The following TMEM132C variants were observed in gnomAD, a reference collection of about 807,000 sequenced individuals.
The protein encoded by TMEM132C is transmembrane protein 132C, also known as protein phosphatase 1, regulatory subunit 152.
TMEM132C carries 29 observed loss-of-function variants against 61.4 expected under a neutral mutation model. The observed-to-expected ratio is 0.47, with a 90% CI of 0.35 to 0.64. The LOEUF is 0.64. Among genes scored for constraint, TMEM132C ranks in the 30% least tolerant of loss-of-function variants. The pLI, the probability that TMEM132C is intolerant of heterozygous loss-of-function variation, is 0.00. For missense variants in TMEM132C, 1,408 were observed against 1,476.9 expected, an observed-to-expected ratio of 0.95 and a Z score of 0.76; for synonymous variants, 656 against 633.1, an observed-to-expected ratio of 1.04 and a Z score of -0.54.
intron 5 of TMEM132C, among the ~76,000 whole-genome samples, chr12:128,682,528 T>A (rs1041579294): frequency 1.2e-4 from 19 of 152,198 alleles, no homozygotes; most frequent in Non-Finnish European, 2.9e-5. Context: ...TAGGAAGGCG[T>A]TGGTCCTGCA....
chr12:128,565,386 T>A (rs998880327), intron 3 of TMEM132C, among the ~76,000 whole-genome samples: 5 of 152,256 alleles, frequency 3.3e-5, no homozygotes, highest in Admixed American at 6.5e-5. Context: ...AACTTTGAGA[T>A]GATAAATGTG....
At chr12:128,430,692 T>C (rs1869354164) in intron 2 of TMEM132C, among the ~76,000 whole-genome samples, 1 of 152,226 alleles carries the variant, frequency 6.6e-6, no homozygotes, top group African/African-American at 2.4e-5. Flanking sequence ...ATTTTGACAA[T>C]TCTTGGAATA....
chr12:128,359,065 G>C (rs1321881199), intron 1 of TMEM132C, among the ~76,000 whole-genome samples: 1 of 152,188 alleles, frequency 6.6e-6, no homozygotes, highest in African/African-American at 2.4e-5. Flanking sequence ...AGAAAATGGT[G>C]GTTCTGAGCA....
chr12:128,509,456 G>A (rs1220758497), intron 2 of TMEM132C, among the ~76,000 whole-genome samples: 1 of 152,204 alleles, frequency 6.6e-6, no homozygotes, highest in Non-Finnish European at 1.5e-5. Context: ...TTCTTAGTGT[G>A]CTCAGTAAAT....
At chr12:128,599,644 C>T (rs947580882) in intron 3 of TMEM132C, among the ~76,000 whole-genome samples, 36 of 152,154 alleles carry the variant, frequency 2.4e-4, no homozygotes, top group African/African-American at 8.7e-4. Flanking sequence ...GCTGAATCTG[C>T]AAAGGAGAAA....
intron 1 of TMEM132C, among the ~76,000 whole-genome samples, chr12:128,313,316 C>T (rs755473151): frequency 6.6e-6 from 1 of 152,352 alleles, no homozygotes; most frequent in Middle Eastern, 3.4e-3. Context: ...AGCTAAGTCA[C>T]TCGTCTGAGG....
chr12:128,513,020 C>T (rs1565958568), intron 2 of TMEM132C, among the ~76,000 whole-genome samples: 1 of 152,128 alleles, frequency 6.6e-6, no homozygotes, highest in African/African-American at 2.4e-5. Context: ...AAGCACGTGA[C>T]ACTGTTTGGA....
At chr12:128,604,598 T>C (rs903284896) in intron 3 of TMEM132C, among the ~76,000 whole-genome samples, 1 of 151,318 alleles carries the variant, frequency 6.6e-6, no homozygotes, top group Non-Finnish European at 1.5e-5. Flanking sequence ...CATAGAGGGA[T>C]AGATGGCTAG....
At chr12:128,482,675 T>G (rs1187616709) in intron 2 of TMEM132C, among the ~76,000 whole-genome samples, 1 of 152,168 alleles carries the variant, frequency 6.6e-6, no homozygotes, top group Non-Finnish European at 1.5e-5. Context: ...ATTCAGGGAT[T>G]CGACTTCTTC....
chr12:128,597,070 A>G (rs1875991991), intron 3 of TMEM132C, among the ~76,000 whole-genome samples: 1 of 152,034 alleles, frequency 6.6e-6, no homozygotes, highest in Admixed American at 6.5e-5. Flanking sequence ...CTTTTCCTCA[A>G]TTTACTTTTG....
At chr12:128,591,616 AT>A (rs1377917898) in intron 3 of TMEM132C, among the ~76,000 whole-genome samples, 1 of 152,100 alleles carries the variant, frequency 6.6e-6, no homozygotes, top group Admixed American at 6.6e-5. Flanking sequence ...TAGGAGTAGA[AT>A]TTCTGGATCA....
In TMEM132C at chr12:128,465,324, G is replaced by A. The variant is rs141250346; in HGVS notation, c.974+49704G>A. ...AGCCATTCTCCTGACTCAGCCTCCC[G>A]AGTAGCTGGGATTAAAGACGCCTGC... On this transcript the variant is annotated intron_variant, in intron 2 of 8. Coordinates refer to ENST00000435159, the MANE Select transcript of TMEM132C (RefSeq NM_001136103.3). Among the ~76,000 whole-genome samples, 350 of 151,632 alleles carry A rather than the reference G, an allele frequency of 2.3e-3. 3 individuals carry two copies. The highest frequency in any genetic ancestry group is 8.1e-3 in the African/African-American group (336 of 41,330).
intron 1 of TMEM132C, among the ~76,000 whole-genome samples, chr12:128,366,839 T>C (rs924329297): frequency 2.6e-5 from 4 of 151,932 alleles, no homozygotes; most frequent in Non-Finnish European, 5.9e-5. Flanking sequence ...GGAAAGAGAG[T>C]CCTGAGTCGG....
chr12:128,291,485 G>A (rs6486498), intron 1 of TMEM132C, among the ~76,000 whole-genome samples: 21,778 of 152,214 alleles, frequency 0.14, 1,883 homozygotes, highest in East Asian at 0.35. Flanking sequence ...GACCTGCTGC[G>A]GGAGGAGATG....
chr12:128,452,774 C>T lies in TMEM132C; in HGVS notation c.974+37154C>T, dbSNP rs561095591. 5.0e-4 allele frequency among the ~76,000 whole-genome samples: 76 copies of T among 152,046 alleles called. 1 individual carries two copies. Among genetic ancestry groups the T allele is most frequent in the South Asian group, 2.9e-3 (14 of 4,802 alleles). ...GATTTGTGCATTTCTGGCTGTCCAC[C>T]GATCCAGATCTTTAAATGATATTAA... On this transcript the variant is annotated intron_variant, in intron 2 of 8. Coordinates refer to ENST00000435159, the MANE Select transcript of TMEM132C (RefSeq NM_001136103.3).
At chr12:128,312,168 C>T (rs1871991298) in intron 1 of TMEM132C, among the ~76,000 whole-genome samples, 1 of 152,128 alleles carries the variant, frequency 6.6e-6, no homozygotes, top group Non-Finnish European at 1.5e-5. Flanking sequence ...ATTGTTCCCC[C>T]CAAATCTCAT....
intron 4 of TMEM132C, among the ~76,000 whole-genome samples, chr12:128,647,382 G>A (rs1461618107): frequency 6.6e-6 from 1 of 152,022 alleles, no homozygotes. Context: ...CATTGGATAT[G>A]AGTGTGTTTA....
intron 5 of TMEM132C, among the ~76,000 whole-genome samples, chr12:128,678,882 C>CT (rs1954613445): frequency 6.6e-6 from 1 of 152,196 alleles, no homozygotes; most frequent in Non-Finnish European, 1.5e-5. Context: ...TGTGGGAGGA[C>CT]GCTCATTGCC....
At chr12:128,430,780 G>A (rs565970201) in intron 2 of TMEM132C, among the ~76,000 whole-genome samples, 2 of 152,202 alleles carry the variant, frequency 1.3e-5, no homozygotes, top group South Asian at 4.2e-4. Flanking sequence ...GTATTGTTTT[G>A]GGGCACCATG....
Sources: allele counts gnomAD v4.1 joint callset (sites outside exome capture counted in the v4.1 genomes callset), GRCh38; gene constraint gnomAD v4.1.1; transcripts MANE v1.5; gene names NCBI Gene and HGNC (gene_info 2026-07-23, HGNC 2026-07-21).